LEPR: variants seen among roughly 807,000 people sequenced by gnomAD.
LEPR encodes the protein OB receptor.
LEPR carries 56 observed loss-of-function variants against 114.7 expected under a neutral mutation model. The ratio of observed to expected loss-of-function variants is 0.49; its 90% CI spans 0.39 to 0.61. The LOEUF (loss-of-function observed/expected upper bound fraction) is 0.61. Among genes scored for constraint, LEPR ranks in the 20% least tolerant of loss-of-function variants. LEPR has a pLI of 0.00. For missense variants in LEPR, 1,202 were observed against 1,352.9 expected (o/e 0.89, Z 1.75); for synonymous variants, 443 against 461.4 (o/e 0.96, Z 0.51).
At chr1:65,580,653 A>T (rs1202723228) in intron 5 of LEPR, among the ~76,000 whole-genome samples, 1 of 152,202 alleles carries the variant, frequency 6.6e-6, no homozygotes, top group African/African-American at 2.4e-5. Flanking sequence ...GGAGCTGAGC[A>T]TGGGGAACAA....
intron 5 of LEPR, among the ~76,000 whole-genome samples, chr1:65,582,955 A>T (rs1655089990): frequency 6.6e-6 from 1 of 152,240 alleles, no homozygotes; most frequent in Non-Finnish European, 1.5e-5. Flanking sequence ...AAAAGTTAAT[A>T]AAAAAGTCAA....
intron 5 of LEPR, among the ~76,000 whole-genome samples, chr1:65,575,119 G>A (rs796228872): frequency 9.2e-5 from 14 of 152,234 alleles, no homozygotes; most frequent in African/African-American, 3.4e-4. Context: ...ACCTTTGGCT[G>A]GAGTGATATT....
rs376886455 is a variant in LEPR at position 65,482,957 on chromosome 1, C to T, written c.-21+57579C>T. ...GAGCCGAGATTGTGCCACTACACTC[C>T]AGCCTGGGTGACAGAGTGAGACTCT... On this transcript the variant is annotated intron_variant, in intron 2 of 19. Coordinates refer to ENST00000349533, the MANE Select transcript of LEPR (RefSeq NM_002303.6). Among the ~76,000 whole-genome samples, 5 of 148,494 alleles carry T rather than the reference C, an allele frequency of 3.4e-5. 1 individual carries two copies.
chr1:65,443,754 G>A (rs919662102), intron 2 of LEPR, among the ~76,000 whole-genome samples: 18 of 152,028 alleles, frequency 1.2e-4, no homozygotes, highest in African/African-American at 3.1e-4. Context: ...CTTCTTTGGC[G>A]TATTTTCAGT....
At chr1:65,523,003 C>T (rs573533949) in intron 2 of LEPR, among the ~76,000 whole-genome samples, 4 of 152,326 alleles carry the variant, frequency 2.6e-5, no homozygotes, top group Non-Finnish European at 4.4e-5. Flanking sequence ...AGTTCTTTAT[C>T]AGGCTTCAGG....
At chr1:65,471,161 C>T (rs375709483) in intron 2 of LEPR, among the ~76,000 whole-genome samples, 3 of 152,274 alleles carry the variant, frequency 2.0e-5, no homozygotes, top group African/African-American at 7.2e-5. Flanking sequence ...GGTTTGATCA[C>T]TCCTAATTTG....
chr1:65,460,516 G>A (rs1024368999), intron 2 of LEPR, among the ~76,000 whole-genome samples: 1 of 152,070 alleles, frequency 6.6e-6, no homozygotes, highest in Admixed American at 6.6e-5. Flanking sequence ...CCCCTACTCA[G>A]AATAATAATG....
At chr1:65,556,193 C>G in intron 2 of LEPR, among the ~76,000 whole-genome samples, 1 of 152,100 alleles carries the variant, frequency 6.6e-6, no homozygotes, top group Middle Eastern at 3.2e-3. Flanking sequence ...AGAAGTAGTC[C>G]TTCACCAGAG....
At position 65,616,219 on chromosome 1, in the gene LEPR, G is replaced by A. The variant is rs1657515627; in HGVS notation, c.2207G>A (p.Ser736Asn). The A allele has an allele frequency of 6.8e-6, 11 of 1,613,722 alleles. No homozygotes were observed. The highest frequency in any genetic ancestry group is 9.3e-6 in the Non-Finnish European group (11 of 1,179,810). ...NFNLTFSWPMSKVNIVQSLSA... is the reference protein window; with the variant it reads ...NFNLTFSWPMNKVNIVQSLSA... The stretch of plus-strand genomic sequence containing the variant: ...AATTTAACCTTTTCATGGCCTATGA[G>A]CAAAGGTAAGAAGAGGTACAGAGTG... Residue 736 changes from serine to asparagine, a missense_variant, in exon 15 of 20, where the codon AGC becomes AAC. Physicochemically the swap from Ser to Asn is conservative, Grantham distance 46 (BLOSUM62 1). Transcript: ENST00000349533.
chr1:65,483,563 C>A (rs929755993), intron 2 of LEPR, among the ~76,000 whole-genome samples: 1 of 152,094 alleles, frequency 6.6e-6, no homozygotes, highest in Non-Finnish European at 1.5e-5. Flanking sequence ...TCAAGGCCAC[C>A]GCTATAAAAT....
At chr1:65,423,959 A>C (rs574918141) in intron 1 of LEPR, among the ~76,000 whole-genome samples, 6 of 152,190 alleles carry the variant, frequency 3.9e-5, no homozygotes, top group Admixed American at 2.0e-4. Flanking sequence ...TACATAGATT[A>C]TCTCATTTAA....
intron 11 of LEPR, among the ~76,000 whole-genome samples, chr1:65,608,390 G>A (rs542652267): frequency 7.9e-5 from 12 of 151,964 alleles, no homozygotes; most frequent in East Asian, 1.9e-4. Context: ...GCCACCACGC[G>A]TGGCTAATTT....
Position 65,633,913 on chromosome 1 carries a change from C to T in LEPR, c.2674-2278C>T, listed in dbSNP as rs1295601048. 1.5e-5 allele frequency: 15 copies of T among 985,246 alleles called. No homozygotes were observed. The highest frequency in any genetic ancestry group is 1.0e-4 in the African/African-American group (6 of 57,210). The allele number at this position is 985,246 out of a possible 1,614,324, so 61.0% of individuals were successfully genotyped here. A position where few individuals can be genotyped will look rare whatever the true frequency, so the allele number is the denominator to read the frequency against. On this transcript the variant is annotated intron_variant, in intron 19 of 19. Coordinates refer to ENST00000349533, the MANE Select transcript of LEPR (RefSeq NM_002303.6). This position sits in a 1 kb window ranked among gnomAD's most constrained non-coding sequence, Gnocchi z 4.1. ...ACCCTACATACCCAGGTCAGATTGA[C>T]GGGACCAGAAGGGAACATCGACTTC...
chr1:65,455,478 G>C (rs866624615), intron 2 of LEPR, among the ~76,000 whole-genome samples: 1 of 152,190 alleles, frequency 6.6e-6, no homozygotes, highest in South Asian at 2.1e-4. Flanking sequence ...TGTCCTTTCT[G>C]TTTGTTAGTT....
At chr1:65,457,899 T>C (rs1646897459) in intron 2 of LEPR, among the ~76,000 whole-genome samples, 1 of 152,212 alleles carries the variant, frequency 6.6e-6, no homozygotes. Context: ...ATATGAATGG[T>C]TCACCTGCAT....
At chr1:65,583,269 G>A (rs1261998301) in intron 5 of LEPR, among the ~76,000 whole-genome samples, 1 of 152,156 alleles carries the variant, frequency 6.6e-6, no homozygotes, top group African/African-American at 2.4e-5. Context: ...TACTTTGAAA[G>A]CAGGAGCATA....
chr1:65,454,940 C>T (rs538925489), intron 2 of LEPR, among the ~76,000 whole-genome samples: 1 of 152,296 alleles, frequency 6.6e-6, no homozygotes, highest in South Asian at 2.1e-4. Flanking sequence ...TAGATTTGGT[C>T]TTTTCACATA....
chr1:65,503,002 A>G (rs1184678995), intron 2 of LEPR, among the ~76,000 whole-genome samples: 3 of 151,824 alleles, frequency 2.0e-5, no homozygotes, highest in Non-Finnish European at 4.4e-5. Flanking sequence ...AGGGAGGGAG[A>G]GAGAAAGAGA....
Position 65,565,537 on chromosome 1 carries a change from C to G in LEPR, c.-20-9C>G. On this transcript the variant is annotated splice_polypyrimidine_tract_variant and intron_variant, in intron 2 of 19. Transcript: ENST00000349533. ...GTGTGTGTTCTGATTTTAGATTTAC[C>G]TTTTCCAGGTGTACTTCTCTGAAGT... is the stretch of plus-strand genomic sequence containing the variant. 6.2e-7 allele frequency: 1 copy of G among 1,613,232 alleles called. No individual in the cohort carries two copies.
Sources: allele counts gnomAD v4.1 joint callset (sites outside exome capture counted in the v4.1 genomes callset), GRCh38; gene constraint gnomAD v4.1.1; non-coding constraint Gnocchi (gnomAD v3.1); transcripts MANE v1.5; gene names NCBI Gene and HGNC (gene_info 2026-07-23, HGNC 2026-07-21).